Variants in KLHL32 observed in about 807,000 individuals in gnomAD.
The protein encoded by KLHL32 is kelch-like protein 32.
KLHL32 carries 35 observed loss-of-function variants against 64.8 expected under a neutral mutation model. The observed-to-expected ratio is 0.54, with a 90% CI of 0.41 to 0.72. The LOEUF (loss-of-function observed/expected upper bound fraction) is 0.72. KLHL32 is among the 30% of genes least tolerant of loss of function. The pLI is 0.00. For missense variants in KLHL32, 589 were observed against 768.5 expected (o/e 0.77, Z 2.76); for synonymous variants, 259 against 281.0 (o/e 0.92, Z 0.78).
In KLHL32 at chr6:97,045,198, A is replaced by G. The variant is rs554559247; in HGVS notation, c.312+3599A>G. Among the ~76,000 whole-genome samples, 18 of 152,342 alleles carry G rather than the reference A, an allele frequency of 1.2e-4. No homozygotes were observed. The South Asian group carries it at 3.7e-3, about 32-fold the overall frequency. The stretch of plus-strand genomic sequence containing the variant: ...AGGAGAAAGAAAGGTGATGGATCAC[A>G]AATTCAAGATTAGCCCAGCCAAATT... On this transcript the variant is annotated intron_variant, in intron 4 of 10. Transcript: ENST00000369261.
upstream of KLHL32, among the ~76,000 whole-genome samples, chr6:96,924,033 A>G (rs1352892836): frequency 1.3e-5 from 2 of 152,102 alleles, no homozygotes; most frequent in Non-Finnish European, 2.9e-5. Flanking sequence ...TAGTAACCAC[A>G]GTAATCACAC....
intron 6 of KLHL32, among the ~76,000 whole-genome samples, chr6:97,108,479 G>A (rs1189401369): frequency 1.3e-5 from 2 of 152,068 alleles, no homozygotes; most frequent in African/African-American, 4.8e-5. Flanking sequence ...TCCTTAAATG[G>A]GCTCCAGGAT....
chr6:96,978,591 G>A (rs760851242), intron 3 of KLHL32, among the ~76,000 whole-genome samples: 9 of 152,242 alleles, frequency 5.9e-5, no homozygotes, highest in South Asian at 2.1e-4. Flanking sequence ...TGTGAATAGC[G>A]CTACAGTGAA....
At chr6:96,949,701 T>G (rs1356485501) in intron 1 of KLHL32, among the ~76,000 whole-genome samples, 2 of 152,172 alleles carry the variant, frequency 1.3e-5, no homozygotes, top group African/African-American at 2.4e-5. Flanking sequence ...GATTTTGCAT[T>G]GTTTAAATAT....
At chr6:96,997,361 C>T (rs1778519207) in intron 3 of KLHL32, among the ~76,000 whole-genome samples, 1 of 152,092 alleles carries the variant, frequency 6.6e-6, no homozygotes, top group African/African-American at 2.4e-5. Context: ...CCCTCCCAAA[C>T]CCCTCTCCAG....
the KLHL32 span, among the ~76,000 whole-genome samples, chr6:96,910,697 T>C: frequency 2.6e-5 from 4 of 152,350 alleles, no homozygotes; most frequent in African/African-American, 4.8e-5. Flanking sequence ...CAATTTCTGT[T>C]GCATTTCCAC....
At chr6:97,092,751 T>C (rs1432784176) in intron 6 of KLHL32, among the ~76,000 whole-genome samples, 1 of 152,160 alleles carries the variant, frequency 6.6e-6, no homozygotes, top group Admixed American at 6.5e-5. Context: ...CCACAGTAGC[T>C]TGACTCGTGG....
At chr6:97,038,403 T>C (rs1033403178) in intron 3 of KLHL32, among the ~76,000 whole-genome samples, 2 of 151,384 alleles carry the variant, frequency 1.3e-5, no homozygotes, top group Non-Finnish European at 2.9e-5. Context: ...CCAATAGATA[T>C]ATTTAAAAAA....
chr6:97,108,222 A>G (rs1352260782), intron 6 of KLHL32, among the ~76,000 whole-genome samples: 1 of 152,118 alleles, frequency 6.6e-6, no homozygotes, highest in Non-Finnish European at 1.5e-5. Flanking sequence ...TTTCTTCCCC[A>G]TTAAATCCTA....
At chr6:97,080,474 A>T (rs148621107) in intron 5 of KLHL32, among the ~76,000 whole-genome samples, 1 of 152,360 alleles carries the variant, frequency 6.6e-6, no homozygotes, top group Non-Finnish European at 1.5e-5. Flanking sequence ...ATGAGACACA[A>T]TCTTTGCTTC....
intron 8 of KLHL32, among the ~76,000 whole-genome samples, chr6:97,128,208 G>T (rs1393672105): frequency 2.6e-5 from 4 of 152,148 alleles, no homozygotes; most frequent in African/African-American, 7.2e-5. Flanking sequence ...GGTTGGGACT[G>T]GCCACCAAAT....
At chr6:97,025,749 C>CG (rs550036047) in intron 3 of KLHL32, among the ~76,000 whole-genome samples, 3 of 152,332 alleles carry the variant, frequency 2.0e-5, no homozygotes, top group African/African-American at 7.2e-5. Context: ...CTCCCTCTTA[C>CG]CAGCTTTATC....
intron 5 of KLHL32, among the ~76,000 whole-genome samples, chr6:97,075,469 T>C (rs1409988387): frequency 1.3e-5 from 2 of 152,214 alleles, no homozygotes; most frequent in African/African-American, 4.8e-5. Flanking sequence ...TTTTCTTCTA[T>C]AACAATTAGA....
chr6:96,960,097 G>T (rs1344959582), intron 1 of KLHL32, among the ~76,000 whole-genome samples: 1 of 152,104 alleles, frequency 6.6e-6, no homozygotes, highest in Admixed American at 6.5e-5. Flanking sequence ...TACAGAATAG[G>T]GGTAGTAAAT....
chr6:97,107,378 G>A (rs534109386), intron 6 of KLHL32, among the ~76,000 whole-genome samples: 3 of 152,062 alleles, frequency 2.0e-5, no homozygotes, highest in Non-Finnish European at 4.4e-5. Flanking sequence ...ATAATGGCAA[G>A]TAGATATAAT....
At chr6:97,116,905 C>G (rs889287395) in intron 7 of KLHL32, among the ~76,000 whole-genome samples, 13 of 152,126 alleles carry the variant, frequency 8.5e-5, no homozygotes, top group African/African-American at 2.9e-4. Flanking sequence ...ATATATGCTG[C>G]CTCTGTTAAC....
intron 1 of KLHL32, among the ~76,000 whole-genome samples, chr6:96,928,889 A>C (rs940862466): frequency 1.3e-5 from 2 of 152,206 alleles, no homozygotes; most frequent in African/African-American, 4.8e-5. Flanking sequence ...CTTTTGATGA[A>C]GTCTTATATG....
chr6:97,074,214 C>T (rs1179570246), intron 5 of KLHL32, among the ~76,000 whole-genome samples: 1 of 152,158 alleles, frequency 6.6e-6, no homozygotes, highest in East Asian at 1.9e-4. Flanking sequence ...AAACAGACTG[C>T]TTGGGCCCCA....
intron 6 of KLHL32, among the ~76,000 whole-genome samples, chr6:97,088,335 C>T (rs538954396): frequency 6.6e-6 from 1 of 152,142 alleles, no homozygotes; most frequent in East Asian, 1.9e-4. Context: ...TAAAACTGAA[C>T]AAATCAGCTG....
Sources: gnomAD v4.1 joint callset for allele counts (sites outside exome capture counted in the v4.1 genomes callset) on GRCh38, gnomAD v4.1.1 for gene constraint, MANE v1.5 for transcripts, NCBI Gene and HGNC (gene_info 2026-07-23, HGNC 2026-07-21) for gene names.